ITIH5: variants seen among roughly 807,000 people sequenced by gnomAD.
The protein encoded by ITIH5 is inter-alpha-trypsin inhibitor heavy chain H5.
ITIH5 carries 65 observed loss-of-function variants against 77.5 expected under a neutral mutation model. That is an observed-to-expected ratio of 0.84 (90% CI 0.69 to 1.03). The LOEUF (loss-of-function observed/expected upper bound fraction) is 1.03. Ranked by LOEUF, ITIH5 falls within the 50% of genes least tolerant of loss-of-function variation. The pLI is 0.00. For missense variants in ITIH5, 1,208 were observed against 1,213.1 expected (o/e 1.00, Z 0.06); for synonymous variants, 525 against 494.3 (o/e 1.06, Z -0.82).
At position 7,586,048 on chromosome 10, in the gene ITIH5, T is replaced by C; in HGVS notation, c.961A>G (p.Ile321Val). The change falls in exon 8 of 14, where the codon ATT becomes GTT. Residue 321 changes from isoleucine (I) to valine (V), a missense_variant. Transcript: ENST00000397146. The part of the protein sequence containing the change: ...LRQTKDALFT[I>V]LHDLRPQDRF... ...TCCTGGGGTCGGAGGTCATGGAGAA[T>C]TGTGAAGAGGGCATCCTTGGTCTAG... The C allele has an allele frequency of 1.2e-6, 2 of 1,613,636 alleles. No homozygotes were observed. Among genetic ancestry groups the C allele is most frequent in the Non-Finnish European group, 1.7e-6 (2 of 1,179,850 alleles).
chr10:7,568,996 CT>C (rs1178652740), intron 12 of ITIH5, among the ~76,000 whole-genome samples: 1 of 132,050 alleles, frequency 7.6e-6, no homozygotes, highest in East Asian at 2.2e-4. Context: ...GTTTTCTTTT[CT>C]TTTTTTCTTT....
At chr10:7,590,500 G>A (rs1832771798) in intron 7 of ITIH5, among the ~76,000 whole-genome samples, 1 of 152,240 alleles carries the variant, frequency 6.6e-6, no homozygotes, top group East Asian at 1.9e-4. Flanking sequence ...GTGTGCGTGT[G>A]CACGTGTGAT....
In ITIH5 at chr10:7,666,862, G is replaced by T. The variant is rs370741910; in HGVS notation, c.31C>A (p.Leu11Met). The T allele has an allele frequency of 1.2e-6, 2 of 1,603,400 alleles. No individual in the cohort carries two copies. The highest frequency in any genetic ancestry group is 1.7e-6 in the Non-Finnish European group (2 of 1,176,034). ...TCCTGCGACCCCACACACAGGGACA[G>T]CCCCAGGCACAGCCCCAGCAGCAGG... MLLLLGLCLG[L>M]SLCVGSQEEA... is the part of the protein sequence containing the mutation. The change falls in exon 1 of 14, where the codon CTG becomes ATG. Residue 11 changes from leucine to methionine, a missense_variant. Leu to Met is a conservative substitution (Grantham distance 15, BLOSUM62 2). Coordinates refer to ENST00000397146, the MANE Select transcript of ITIH5 (RefSeq NM_030569.7).
intron 7 of ITIH5, among the ~76,000 whole-genome samples, chr10:7,609,008 C>T (rs977368645): frequency 3.3e-5 from 5 of 152,164 alleles, no homozygotes; most frequent in Non-Finnish European, 5.9e-5. Flanking sequence ...CTACAGACCA[C>T]CACTGTGTTA....
At chr10:7,570,870 C>T (rs1036804265) in intron 11 of ITIH5, among the ~76,000 whole-genome samples, 1 of 152,212 alleles carries the variant, frequency 6.6e-6, no homozygotes, top group Non-Finnish European at 1.5e-5. Flanking sequence ...ATTCCACCCA[C>T]CTCAGCCTCC....
At chr10:7,661,391 C>G (rs1288240892) in intron 1 of ITIH5, among the ~76,000 whole-genome samples, 4 of 152,108 alleles carry the variant, frequency 2.6e-5, no homozygotes, top group Non-Finnish European at 2.9e-5. Flanking sequence ...ATGCTGAAAC[C>G]CAAACCGAGA....
intron 5 of ITIH5, among the ~76,000 whole-genome samples, chr10:7,625,508 T>C (rs1168189923): frequency 6.6e-6 from 1 of 152,204 alleles, no homozygotes; most frequent in Non-Finnish European, 1.5e-5. Context: ...ATCACACCTG[T>C]AATCCCAGCA....
intron 2 of ITIH5, among the ~76,000 whole-genome samples, chr10:7,651,481 G>A (rs2131100625): frequency 6.6e-6 from 1 of 152,106 alleles, no homozygotes; most frequent in South Asian, 2.1e-4. Context: ...TACTCGGGAG[G>A]CCTCTAATCC....
At chr10:7,623,664 G>A (rs1833510057) in intron 5 of ITIH5, among the ~76,000 whole-genome samples, 1 of 151,968 alleles carries the variant, frequency 6.6e-6, no homozygotes, top group South Asian at 2.1e-4. Context: ...ATAGCCAGGC[G>A]TGGTGGCAGG....
intron 5 of ITIH5, among the ~76,000 whole-genome samples, chr10:7,633,621 T>C (rs914235560): frequency 1.3e-5 from 2 of 152,106 alleles, no homozygotes; most frequent in African/African-American, 4.8e-5. Flanking sequence ...ACTGAACCTC[T>C]GTTTTAGTAA....
At chr10:7,624,816 C>CATATATATATATATACACAT (rs375732694) in intron 5 of ITIH5, among the ~76,000 whole-genome samples, 1 of 36,588 alleles carries the variant, frequency 2.7e-5, no homozygotes, top group African/African-American at 9.6e-5. Context: ...TATATATACA[C>CATATATATATATATACACAT]ATATATATGT....
At position 7,582,082 on chromosome 10, in the gene ITIH5, G is replaced by T. The variant is rs181040128; in HGVS notation, c.1109-2018C>A. Among the ~76,000 whole-genome samples, 387 of 151,784 alleles carry T rather than the reference G, an allele frequency of 2.5e-3. 1 individual carries two copies. Among genetic ancestry groups the T allele is most frequent in the African/African-American group, 8.8e-3 (366 of 41,356 alleles). On this transcript the variant is annotated intron_variant, in intron 8 of 13. Transcript: ENST00000397146. Reference sequence around the variant, plus strand: ...TAGTAGAGACGGGTTTCACCATGTTGGCCAGGCTGGTCTTGATTTCCTGAC... The same window carrying T: ...TAGTAGAGACGGGTTTCACCATGTTTGCCAGGCTGGTCTTGATTTCCTGAC...
At chr10:7,595,254 G>T (rs1832871589) in intron 7 of ITIH5, among the ~76,000 whole-genome samples, 3 of 151,930 alleles carry the variant, frequency 2.0e-5, no homozygotes, top group Admixed American at 2.0e-4. Flanking sequence ...AATTAAAATT[G>T]AAAAAATAAA....
Position 7,576,934 on chromosome 10 carries a change from G to C in ITIH5, c.1497C>G (p.Thr499=), listed in dbSNP as rs138882052. 6.2e-7 allele frequency: 1 copy of C among 1,614,068 alleles called. No homozygotes were observed. Among genetic ancestry groups the C allele is most frequent in the East Asian group, 2.2e-5 (1 of 44,892 alleles). Residue 499 remains threonine (T), a synonymous_variant, in exon 10 of 14, where the codon ACC becomes ACG. Coordinates refer to ENST00000397146, the MANE Select transcript of ITIH5 (RefSeq NM_030569.7). ...DYPPSSVVQA[T]KTLFPNYFNG... is the part of the protein sequence containing the mutation. ...TGAAGTAGTTGGGGAACAGGGTCTT[G>C]GTGGCCTGCACCACTGAGCTGGGGG...
chr10:7,655,728 T>C (rs1025400706), intron 1 of ITIH5, 53 bp from the exon 2 acceptor site: 4 of 1,362,142 alleles, frequency 2.9e-6, no homozygotes, highest in Non-Finnish European at 4.2e-6. Context: ...AGAAGAGACA[T>C]GAAATATGAT....
In ITIH5 at chr10:7,576,953, C is replaced by G. The variant is rs780071115; in HGVS notation, c.1478G>C (p.Ser493Thr). The change falls in exon 10 of 14, where the codon AGC (serine) becomes ACC (threonine). Residue 493 changes from serine (S) to threonine (T), a missense_variant. Coordinates refer to ENST00000397146, the MANE Select transcript of ITIH5 (RefSeq NM_030569.7). ...LSDIRIDYPP[S>T]SVVQATKTLF... ...GGTCTTGGTGGCCTGCACCACTGAG[C>G]TGGGGGGATAATCGATGCGGATGTC... 1 of 1,613,970 alleles carries G rather than the reference C, an allele frequency of 6.2e-7. No homozygotes were observed. The highest frequency in any genetic ancestry group is 1.3e-5 in the African/African-American group (1 of 74,892).
chr10:7,656,522 T>C (rs1834185244), intron 1 of ITIH5, among the ~76,000 whole-genome samples: 1 of 152,046 alleles, frequency 6.6e-6, no homozygotes, highest in Non-Finnish European at 1.5e-5. Flanking sequence ...AGCCAAAAGA[T>C]TTTTTTTAAA....
intron 5 of ITIH5, among the ~76,000 whole-genome samples, chr10:7,628,941 G>GTCCATGTTGTAGCATGTA: frequency 8.9e-6 from 1 of 112,906 alleles, no homozygotes; most frequent in African/African-American, 3.7e-5. Context: ...TTTCACATGT[G>GTCCATGTTGTAGCATGTA]TCCATGTTGT....
chr10:7,607,642 C>T (rs1833150968), intron 7 of ITIH5, among the ~76,000 whole-genome samples: 1 of 152,162 alleles, frequency 6.6e-6, no homozygotes, highest in South Asian at 2.1e-4. Context: ...AGTGAAACCC[C>T]ATCTCTACTA....
Sources: gnomAD v4.1 joint callset for allele counts (sites outside exome capture counted in the v4.1 genomes callset) on GRCh38, gnomAD v4.1.1 for gene constraint, MANE v1.5 for transcripts, NCBI Gene and HGNC (gene_info 2026-07-23, HGNC 2026-07-21) for gene names.